CRACR2A: variants seen among roughly 807,000 people sequenced by gnomAD.
CRACR2A encodes EF-hand calcium-binding domain-containing protein 4B.
Under a neutral mutation model 90.5 loss-of-function variants are expected in CRACR2A, and 79 were observed. That is an observed-to-expected ratio of 0.87 (90% CI 0.73 to 1.05). The LOEUF (loss-of-function observed/expected upper bound fraction) is 1.05. Ranked by LOEUF, CRACR2A falls within the 50% of genes least tolerant of loss-of-function variation. The pLI is 0.00. For synonymous variants in CRACR2A, 338 were observed against 356.7 expected (o/e 0.95, Z 0.59); for missense variants, 823 against 897.2 (o/e 0.92, Z 1.06).
At chr12:3,648,394 C>G in intron 11 of CRACR2A, 148 bp downstream of exon 11, 1 of 1,550,118 alleles carries the variant, frequency 6.5e-7, no homozygotes. Flanking sequence ...GTGGTCCAAA[C>G]ACTGCACTGG....
chr12:3,733,223 C>G lies in CRACR2A; in HGVS notation c.-386-13G>C, dbSNP rs1448003643. ...GTCAGGGCATGACCTGTGGGTAGAACAGAGAGAGGAAAGGGTTCCTCACTT... is the reference window on the plus strand; with the variant it reads ...GTCAGGGCATGACCTGTGGGTAGAAGAGAGAGAGGAAAGGGTTCCTCACTT... On this transcript the variant is annotated splice_polypyrimidine_tract_variant and intron_variant, in intron 1 of 19. Coordinates refer to ENST00000440314, the MANE Select transcript of CRACR2A (RefSeq NM_001144958.2). 2 of 152,290 alleles carry G rather than the reference C, an allele frequency of 1.3e-5. No homozygotes were observed. The highest frequency in any genetic ancestry group is 1.3e-4 in the Admixed American group (2 of 15,284). 9.4% of individuals were successfully genotyped at this position (152,290 alleles called of 1,614,324 possible).
chr12:3,656,076 C>G (rs2137475689), intron 9 of CRACR2A, among the ~76,000 whole-genome samples: 1 of 152,288 alleles, frequency 6.6e-6, no homozygotes, highest in Admixed American at 6.5e-5. Flanking sequence ...TCTGCAGATA[C>G]CTCGTGGGGG....
intron 12 of CRACR2A, among the ~76,000 whole-genome samples, chr12:3,643,044 G>T (rs937958645): frequency 6.6e-6 from 1 of 152,198 alleles, no homozygotes; most frequent in Non-Finnish European, 1.5e-5. Flanking sequence ...AGTTTGGCAG[G>T]TAAAGGGAAG....
intron 1 of CRACR2A, among the ~76,000 whole-genome samples, chr12:3,744,065 A>G (rs968861122): frequency 1.1e-4 from 17 of 152,170 alleles, no homozygotes; most frequent in Non-Finnish European, 5.9e-5. Flanking sequence ...CCAAGAGGGG[A>G]CAGGAAAGCA....
In CRACR2A at chr12:3,638,212, A is replaced by G; in HGVS notation, c.1514T>C (p.Val505Ala). 6.4e-7 allele frequency: 1 copy of G among 1,551,434 alleles called. No individual in the cohort carries two copies. Among genetic ancestry groups the G allele is most frequent in the Non-Finnish European group, 8.7e-7 (1 of 1,146,942 alleles). Residue 505 changes from valine to alanine, a missense_variant, in exon 14 of 20, where the codon GTA becomes GCA. Coordinates refer to ENST00000440314, the MANE Select transcript of CRACR2A (RefSeq NM_001144958.2). Reference protein sequence around the residue: ...SEEEEVSDQGVQGQIPEAPPL... With the variant: ...SEEEEVSDQGAQGQIPEAPPL... Reference sequence around the variant, plus strand: ...TGGGGCCTCCGGGATTTGTCCCTGTACCCCCTGGTCAGAGACCTCTTCCTC... The same window carrying G: ...TGGGGCCTCCGGGATTTGTCCCTGTGCCCCCTGGTCAGAGACCTCTTCCTC...
chr12:3,650,987 G>A (rs1944784361), intron 10 of CRACR2A, among the ~76,000 whole-genome samples: 1 of 152,156 alleles, frequency 6.6e-6, no homozygotes, highest in Non-Finnish European at 1.5e-5. Flanking sequence ...AAAAAAGAAA[G>A]ACACTTAGAT....
chr12:3,664,723 C>T (rs1945096654), intron 7 of CRACR2A, among the ~76,000 whole-genome samples: 1 of 152,210 alleles, frequency 6.6e-6, no homozygotes, highest in Non-Finnish European at 1.5e-5. Flanking sequence ...AACACTCCTT[C>T]TGGCCGGGCA....
At chr12:3,703,132 A>G (rs1945859344) in intron 3 of CRACR2A, among the ~76,000 whole-genome samples, 1 of 152,226 alleles carries the variant, frequency 6.6e-6, no homozygotes, top group Non-Finnish European at 1.5e-5. Context: ...AGTCTTGCTC[A>G]GGCTGGAGTG....
chr12:3,703,152 G>A (rs1591699870), intron 3 of CRACR2A, among the ~76,000 whole-genome samples: 1 of 152,166 alleles, frequency 6.6e-6, no homozygotes, highest in Non-Finnish European at 1.5e-5. Flanking sequence ...GCAGTGGCGC[G>A]ATCTCTGGCT....
intron 9 of CRACR2A, among the ~76,000 whole-genome samples, chr12:3,655,847 C>T (rs1275245137): frequency 6.6e-6 from 1 of 152,196 alleles, no homozygotes; most frequent in African/African-American, 2.4e-5. Context: ...CACCACACAG[C>T]CAGGGAAGAG....
In CRACR2A at chr12:3,633,817, A is replaced by ATCC. The variant is rs1944415561; in HGVS notation, c.1603-84_1603-82dup. The stretch of plus-strand genomic sequence containing the variant: ...CCCTGCCACCAGAGGCCCTTTACCC[A>ATCC]TCCCTACAGTGGCCCTCAGGAGGTG... On this transcript the variant is annotated intron_variant, in intron 14 of 19. Transcript: ENST00000440314. This position sits in a 1 kb window ranked among gnomAD's most constrained non-coding sequence, Gnocchi z 4.5. 9.8e-6 allele frequency: 15 copies of ATCC among 1,532,376 alleles called. No individual in the cohort carries two copies. The highest frequency in any genetic ancestry group is 1.2e-5 in the Non-Finnish European group (14 of 1,137,758). The allele number at this position is 1,532,376 out of a possible 1,614,324, so 94.9% of individuals were successfully genotyped here.
In CRACR2A at chr12:3,654,354, T is replaced by C. The variant is rs1565476141; in HGVS notation, c.904A>G (p.Lys302Glu). Residue 302 changes from lysine (K) to glutamate (E), a missense_variant, in exon 10 of 20, where the codon AAG becomes GAG. By Grantham distance (56) the Lys-to-Glu change is moderately conservative (BLOSUM62 1). Transcript: ENST00000440314. ...TALHHDKHETKAENTKLKLTN... is the reference protein window; with the variant it reads ...TALHHDKHETEAENTKLKLTN... ...AGTTTCAGCTTGGTATTCTCAGCCT[T>C]GGTCTCATGCTTGTCATGATGCAGG... 6.2e-7 allele frequency: 1 copy of C among 1,613,496 alleles called. No homozygotes were observed. Among genetic ancestry groups the C allele is most frequent in the Non-Finnish European group, 8.5e-7 (1 of 1,179,854 alleles).
intron 5 of CRACR2A, among the ~76,000 whole-genome samples, chr12:3,679,394 C>G (rs1945403481): frequency 6.6e-6 from 1 of 152,158 alleles, no homozygotes; most frequent in Non-Finnish European, 1.5e-5. Flanking sequence ...TAGAACGCAT[C>G]TCCGTTGATT....
intron 11 of CRACR2A, among the ~76,000 whole-genome samples, chr12:3,646,043 A>C (rs1565472061): frequency 6.6e-6 from 1 of 152,128 alleles, no homozygotes; most frequent in Non-Finnish European, 1.5e-5. Flanking sequence ...ACCGTAACAG[A>C]GAAGAAGGCA....
Position 3,658,441 on chromosome 12 carries a change from G to A in CRACR2A, c.762+1123C>T, listed in dbSNP as rs578250611. Among the ~76,000 whole-genome samples, 6 of 152,278 alleles carry A rather than the reference G, an allele frequency of 3.9e-5. No individual in the cohort carries two copies. The East Asian group carries it at 1.2e-3, about 30-fold the overall frequency. On this transcript the variant is annotated intron_variant, in intron 8 of 19. Coordinates refer to ENST00000440314, the MANE Select transcript of CRACR2A (RefSeq NM_001144958.2). ...GAACTATTTTGGGATCTGCTGATGA[G>A]AAGTGTGTGAGTTCTGTCTGCCGTC...
chr12:3,638,830 G>T (rs1944506954), intron 13 of CRACR2A, among the ~76,000 whole-genome samples: 1 of 152,202 alleles, frequency 6.6e-6, no homozygotes, highest in Non-Finnish European at 1.5e-5. Flanking sequence ...CTGCTGTGAA[G>T]GAGAAGGAAA....
At chr12:3,673,356 T>A in intron 7 of CRACR2A, 90 bp downstream of exon 7, 1 of 1,484,932 alleles carries the variant, frequency 6.7e-7, no homozygotes, top group South Asian at 1.3e-5. Context: ...CATTGCACGA[T>A]GTTTTGGCAG....
At chr12:3,627,301 G>A (rs1460474477) in intron 17 of CRACR2A, 135 bp downstream of exon 17, 3 of 663,712 alleles carry the variant, frequency 4.5e-6, no homozygotes, top group Non-Finnish European at 7.7e-6. Context: ...ACACATGCCT[G>A]CATCAGTTTG....
chr12:3,729,474 G>C (rs1946326470), intron 2 of CRACR2A: 1 of 152,222 alleles, frequency 6.6e-6, no homozygotes, highest in Non-Finnish European at 1.5e-5. Flanking sequence ...GGAGGACGAG[G>C]CAGGCAGGTC....
Sources: allele counts gnomAD v4.1 joint callset (sites outside exome capture counted in the v4.1 genomes callset), GRCh38; gene constraint gnomAD v4.1.1; non-coding constraint Gnocchi (gnomAD v3.1); transcripts MANE v1.5; gene names NCBI Gene and HGNC (gene_info 2026-07-23, HGNC 2026-07-21).